DIP2B: variants seen among roughly 807,000 people sequenced by gnomAD.
DIP2B encodes the protein DIP2 acetate--CoA ligase B (putative), also known as disco-interacting protein 2 homolog B.
In DIP2B, 76 loss-of-function variants were observed where a neutral mutation model predicts 198.0. That is an observed-to-expected ratio of 0.38 (90% CI 0.32 to 0.46). The LOEUF (loss-of-function observed/expected upper bound fraction) is 0.46. Among genes scored for constraint, DIP2B ranks in the 20% least tolerant of loss-of-function variants. DIP2B has a pLI of 0.99. For synonymous variants in DIP2B, 701 were observed against 739.1 expected (o/e 0.95, Z 0.84); for missense variants, 1,559 against 1,978.4 (o/e 0.79, Z 4.02).
chr12:50,735,773 C>T (rs1164732958), intron 34 of DIP2B, among the ~76,000 whole-genome samples: 1 of 152,110 alleles, frequency 6.6e-6, no homozygotes, highest in Non-Finnish European at 1.5e-5. Context: ...CCGGTTCTAT[C>T]TTACAAACGT....
In DIP2B at chr12:50,692,970, T is replaced by C; in HGVS notation, c.1676T>C (p.Leu559Ser). ...YSEGETIVNVLDFKKDAGLWH... is the reference protein window; with the variant it reads ...YSEGETIVNVSDFKKDAGLWH... ...TTAGGGGAAACAATAGTAAATGTCTTAGACTTTAAGAAGGATGCTGGGCTG... is the reference window on the plus strand; with the variant it reads ...TTAGGGGAAACAATAGTAAATGTCTCAGACTTTAAGAAGGATGCTGGGCTG... Residue 559 changes from leucine (L) to serine (S), a missense_variant, in exon 14 of 38, where the codon TTA (leucine) becomes TCA (serine). Transcript: ENST00000301180. The C allele has an allele frequency of 1.9e-6, 3 of 1,610,966 alleles. No homozygotes were observed. Among genetic ancestry groups the C allele is most frequent in the Non-Finnish European group, 2.5e-6 (3 of 1,179,266 alleles).
intron 1 of DIP2B, among the ~76,000 whole-genome samples, chr12:50,528,444 A>G (rs1213867724): frequency 6.6e-6 from 1 of 152,074 alleles, no homozygotes; most frequent in East Asian, 1.9e-4. Context: ...CCAAAAAAAA[A>G]AAAGGAAAAG....
chr12:50,607,105 CTTCT>C (rs1958988706), intron 1 of DIP2B, among the ~76,000 whole-genome samples: 1 of 132,286 alleles, frequency 7.6e-6, no homozygotes, highest in African/African-American at 2.7e-5. Flanking sequence ...TCATGCTTGG[CTTCT>C]TTTTTTTTTT....
chr12:50,643,575 A>G (rs1938299015), intron 3 of DIP2B, among the ~76,000 whole-genome samples: 1 of 152,136 alleles, frequency 6.6e-6, no homozygotes, highest in South Asian at 2.1e-4. Flanking sequence ...AGGGGAACAT[A>G]AAAAGAGGAT....
chr12:50,694,969 A>T (rs558314455), intron 14 of DIP2B, among the ~76,000 whole-genome samples: 12 of 152,280 alleles, frequency 7.9e-5, no homozygotes, highest in African/African-American at 2.9e-4. Context: ...TTTTATGTTA[A>T]AAATACTTAT....
chr12:50,505,197 A>G lies in DIP2B; in HGVS notation c.57A>G (p.Glu19=). 1.3e-6 allele frequency: 2 copies of G among 1,522,736 alleles called. No individual in the cohort carries two copies. Among genetic ancestry groups the G allele is most frequent in the Non-Finnish European group, 1.8e-6 (2 of 1,140,864 alleles). The allele number at this position is 1,522,736 out of a possible 1,614,324, so 94.3% of individuals were successfully genotyped here. ...SPAAVAALPP[E]VRAQLAELEL... ...CCGCGGTGGCGGCGCTGCCGCCTGA[A>G]GTGCGGGCGCAGCTGGCGGAGCTGG... The change falls in exon 1 of 38, where the codon GAA becomes GAG. Residue 19 remains glutamate (E), a synonymous_variant. Transcript: ENST00000301180.
intron 1 of DIP2B, among the ~76,000 whole-genome samples, chr12:50,563,025 G>A (rs897373845): frequency 6.6e-6 from 1 of 151,632 alleles, no homozygotes; most frequent in South Asian, 2.1e-4. Flanking sequence ...AGTGTAGAAC[G>A]ATTGCTAAAA....
intron 1 of DIP2B, among the ~76,000 whole-genome samples, chr12:50,614,757 A>G (rs1937663056): frequency 1.3e-5 from 2 of 152,194 alleles, no homozygotes; most frequent in African/African-American, 4.8e-5. Flanking sequence ...ACCTATGCCA[A>G]ACACAGAATG....
chr12:50,729,715 TTTTTTCTTTTTTTTC>T (rs1396374675), intron 30 of DIP2B, among the ~76,000 whole-genome samples: 2 of 146,932 alleles, frequency 1.4e-5, no homozygotes, highest in Non-Finnish European at 3.0e-5. Flanking sequence ...CTTTCTGTCC[TTTTTTCTTTTTTTTC>T]TTTTTCTTTT....
At position 50,640,801 on chromosome 12, in the gene DIP2B, A is replaced by C; in HGVS notation, c.250A>C (p.Lys84Gln). ...PSAAQTSAPSKYHRTRSGGAR... is the reference protein window; with the variant it reads ...PSAAQTSAPSQYHRTRSGGAR... ...TGCAGCTCAAACTTCTGCTCCCTCTAAGTACCACCGAACTCGATCTGGGGG... is the reference window on the plus strand; with the variant it reads ...TGCAGCTCAAACTTCTGCTCCCTCTCAGTACCACCGAACTCGATCTGGGGG... Residue 84 changes from lysine (K) to glutamine (Q), a missense_variant, in exon 3 of 38, where the codon AAG (lysine) becomes CAG (glutamine). Transcript: ENST00000301180. The C allele has an allele frequency of 6.2e-7, 1 of 1,613,928 alleles. No homozygotes were observed. The highest frequency in any genetic ancestry group is 8.5e-7 in the Non-Finnish European group (1 of 1,179,878).
chr12:50,505,442 A>G (rs1055683953), intron 1 of DIP2B, among the ~76,000 whole-genome samples: 1 of 151,976 alleles, frequency 6.6e-6, no homozygotes, highest in African/African-American at 2.4e-5. Flanking sequence ...TTTCCCATGG[A>G]GGGGACTAAG....
chr12:50,549,170 T>TA lies in DIP2B; in HGVS notation c.100+43945dup, dbSNP rs780278216. Among the ~76,000 whole-genome samples, 265 of 137,482 alleles carry TA rather than the reference T, an allele frequency of 1.9e-3. 1 individual carries two copies. The highest frequency in any genetic ancestry group is 2.1e-3 in the South Asian group (9 of 4,248). The allele number at this position is 137,482 out of a possible 152,430, so 90.2% of individuals were successfully genotyped here. ...TCAGGGACGAAAGTGGGGGCTGGTT[T>TA]AAAAAAAAAAAAAAAGGGCTGGGCG... On this transcript the variant is annotated intron_variant, in intron 1 of 37. Transcript: ENST00000301180.
Position 50,745,511 on chromosome 12 carries a change from T to TTAG in DIP2B, c.*672_*673insTAG, listed in dbSNP as rs1205433539. ...GAGAATTTCAATATTCTCTTAATGTTGTGTAATTGATTAGGTAACTAAAAA... is the reference window on the plus strand; with the variant it reads ...GAGAATTTCAATATTCTCTTAATGTTTAGGTGTAATTGATTAGGTAACTAAAAA... On this transcript the variant is annotated 3_prime_UTR_variant, in exon 38 of 38. Coordinates refer to ENST00000301180, the MANE Select transcript of DIP2B (RefSeq NM_173602.3). 1 of 152,562 alleles carries TTAG rather than the reference T, an allele frequency of 6.6e-6. No individual in the cohort carries two copies. The highest frequency in any genetic ancestry group is 6.5e-5 in the Admixed American group (1 of 15,318). The allele number at this position is 152,562 out of a possible 1,614,324, so 9.5% of individuals were successfully genotyped here.
At chr12:50,714,628 A>C (rs1186866848) in intron 23 of DIP2B, 32 bp downstream of exon 23, 5 of 1,611,680 alleles carry the variant, frequency 3.1e-6, no homozygotes, top group Non-Finnish European at 3.4e-6. Flanking sequence ...CCTGGCACTA[A>C]AATTCCAACT....
At chr12:50,726,846 C>T (rs1939945469) in intron 28 of DIP2B, among the ~76,000 whole-genome samples, 1 of 152,044 alleles carries the variant, frequency 6.6e-6, no homozygotes, top group Non-Finnish European at 1.5e-5. Context: ...GGTGCAGTGG[C>T]TCATGGTTGT....
At chr12:50,742,675 C>A (rs2139610676) in intron 37 of DIP2B, among the ~76,000 whole-genome samples, 2 of 152,234 alleles carry the variant, frequency 1.3e-5, no homozygotes, top group Admixed American at 1.3e-4. Flanking sequence ...GTGGGTGGAT[C>A]ACCTGAGGTC....
intron 3 of DIP2B, among the ~76,000 whole-genome samples, chr12:50,644,053 A>T (rs948055236): frequency 1.3e-5 from 2 of 152,236 alleles, no homozygotes; most frequent in African/African-American, 4.8e-5. Context: ...TAACACCTAT[A>T]ACATTTCAAC....
At chr12:50,535,611 T>C (rs1160093150) in intron 1 of DIP2B, among the ~76,000 whole-genome samples, 4 of 151,826 alleles carry the variant, frequency 2.6e-5, no homozygotes, top group Admixed American at 2.0e-4. Flanking sequence ...CCTCAAGTGA[T>C]CCTCCTGCCT....
intron 2 of DIP2B, 139 bp from the exon 3 acceptor site, chr12:50,640,585 T>G: frequency 1.2e-6 from 1 of 837,198 alleles, no homozygotes; most frequent in Non-Finnish European, 1.8e-6. Context: ...ATTTATGTAT[T>G]TATATTGAAA....
Sources: allele counts gnomAD v4.1 joint callset (sites outside exome capture counted in the v4.1 genomes callset), GRCh38; gene constraint gnomAD v4.1.1; transcripts MANE v1.5; gene names NCBI Gene and HGNC (gene_info 2026-07-23, HGNC 2026-07-21).